Variants in SSX5 observed in about 807,000 individuals in gnomAD.
The protein encoded by SSX5 is SSX family member 5, also known as protein SSX5.
A neutral mutation model predicts 14.9 loss-of-function variants in SSX5; 14 were observed. The ratio of observed to expected loss-of-function variants is 0.94; its 90% CI spans 0.62 to 1.47. SSX5 has a LOEUF of 1.47. Ranked by LOEUF, SSX5 falls within the 40% of genes most tolerant of loss-of-function variation. The pLI, the probability that SSX5 is intolerant of heterozygous loss-of-function variation, is 0.00. For missense variants in SSX5, 204 were observed against 154.6 expected, an observed-to-expected ratio of 1.32 and a Z score of -1.70; for synonymous variants, 70 against 55.4, an observed-to-expected ratio of 1.26 and a Z score of -1.17.
At chrX:48,187,769 G>T (rs1556924092) in intron 6 of SSX5, 38 bp from the exon 7 acceptor site, 2 of 1,186,740 alleles carry the variant, frequency 1.7e-6, no homozygotes, top group African/African-American at 3.5e-5. Context: ...GGGTTGGGTA[G>T]ATTGGAGAGG....
At chrX:48,188,302 G>A (rs1556924178) in intron 6 of SSX5, among the ~76,000 whole-genome samples, 1 of 112,292 alleles carries the variant, frequency 8.9e-6, no homozygotes, top group Admixed American at 9.5e-5. Flanking sequence ...TACATGAGAC[G>A]TTTTGATACA....
chrX:48,191,925 G>A (rs1323990150), intron 5 of SSX5, among the ~76,000 whole-genome samples: 1 of 112,214 alleles, frequency 8.9e-6, no homozygotes, highest in Admixed American at 9.5e-5. Context: ...CCTTTTATAT[G>A]GGTGACAACT....
At chrX:48,189,059 G>A (rs1340651692) in intron 6 of SSX5, among the ~76,000 whole-genome samples, 2 of 111,810 alleles carry the variant, frequency 1.8e-5, no homozygotes, top group African/African-American at 6.5e-5. Context: ...AACGTGTGAA[G>A]CTAGCAGAGG....
At position 48,195,353 on chromosome X, in the gene SSX5, G is replaced by A. The variant is rs111262473; in HGVS notation, c.6C>T (p.Asn2=). The A allele has an allele frequency of 3.1e-5, 38 of 1,209,690 alleles. No individual in the cohort carries two copies. The highest frequency in any genetic ancestry group is 3.9e-5 in the Non-Finnish European group (35 of 894,978). The part of the protein sequence containing the change: M[N]GDDAFVRRPR... ...GTCTCCGTACAAAGGCATCGTCTCC[G>A]TTCATGGCACCGGGAGCACTCTGTC... Residue 2 remains asparagine (N), a synonymous_variant, in exon 2 of 8, where the codon AAC becomes AAT. Transcript: ENST00000347757.
Position 48,192,716 on chromosome X carries a change from T to C in SSX5, c.281-435A>G, listed in dbSNP as rs140795223. 8.0e-5 allele frequency among the ~76,000 whole-genome samples: 9 copies of C among 112,177 alleles called. No homozygotes were observed. In the Admixed American group the frequency reaches 8.6e-4, roughly 11 times the overall value. ...ATGATTTAGTCCAGTGGCTCTGAAA[T>C]ATTTTCAGTACAAAGACAGTCCTTT... On this transcript the variant is annotated intron_variant, in intron 4 of 7. Coordinates refer to ENST00000347757, the MANE Select transcript of SSX5 (RefSeq NM_175723.2).
chrX:48,186,658 C>T lies in SSX5; in HGVS notation c.*203G>A. The T allele has an allele frequency of 1.3e-6, 1 of 754,541 alleles. No individual in the cohort carries two copies. Among genetic ancestry groups the T allele is most frequent in the South Asian group, 2.4e-5 (1 of 41,325 alleles). The allele number at this position is 754,541 out of a possible 1,213,427, so 62.2% of individuals were successfully genotyped here. A position where few individuals can be genotyped will look rare whatever the true frequency, so the allele number is the denominator to read the frequency against. ...AACGCTAATATCTAACAGAATGGCA[C>T]ACTGTAACAAAATACAACAGAAACA... On this transcript the variant is annotated 3_prime_UTR_variant, in exon 8 of 8. Transcript: ENST00000347757.
intron 5 of SSX5, 82 bp from the exon 6 acceptor site, chrX:48,190,350 C>A: frequency 9.4e-7 from 1 of 1,060,862 alleles, no homozygotes; most frequent in Non-Finnish European, 1.2e-6. Context: ...TCTTCACATG[C>A]ATTACCTTAA....
intron 7 of SSX5, among the ~76,000 whole-genome samples, chrX:48,187,376 C>T (rs782518885): frequency 1.8e-3 from 197 of 110,704 alleles, no homozygotes; most frequent in African/African-American, 6.1e-3. Context: ...AGGAGAATGG[C>T]GTGAACACGG....
At position 48,186,411 on chromosome X, in the gene SSX5, C is replaced by CGT. The variant is rs1569439757; in HGVS notation, c.*449_*450insAC. ...GTGTGTGTGTGTGTGTGTGCGCGCG[C>CGT]GCGCGCATGTGTGTCTGTGTGGCAT... On this transcript the variant is annotated 3_prime_UTR_variant, in exon 8 of 8. Coordinates refer to ENST00000347757, the MANE Select transcript of SSX5 (RefSeq NM_175723.2). 2.4e-4 allele frequency: 63 copies of CGT among 264,587 alleles called. 2 individuals are homozygous for CGT. Among genetic ancestry groups the CGT allele is most frequent in the Middle Eastern group, 2.5e-3 (2 of 788 alleles). The allele number at this position is 264,587 out of a possible 1,213,427, so 21.8% of individuals were successfully genotyped here.
chrX:48,192,917 A>C (rs1165390089), intron 4 of SSX5, among the ~76,000 whole-genome samples: 5 of 112,124 alleles, frequency 4.5e-5, no homozygotes, highest in African/African-American at 1.6e-4. Flanking sequence ...GCAAGTAAAC[A>C]CATATGTCCC....
At chrX:48,191,517 A>T (rs2059420033) in intron 5 of SSX5, among the ~76,000 whole-genome samples, 2 of 111,184 alleles carry the variant, frequency 1.8e-5, no homozygotes, top group Admixed American at 1.9e-4. Context: ...CAAGGAGCTC[A>T]CAGTAGGGAG....
chrX:48,195,174 A>T, intron 2 of SSX5, 116 bp downstream of exon 2: 1 of 1,210,143 alleles, frequency 8.3e-7, no homozygotes, highest in South Asian at 1.8e-5. Context: ...AAGGTTCCAG[A>T]TGTCCCCGGA....
In SSX5 at chrX:48,192,223, G is replaced by A; in HGVS notation, c.330+9C>T. 1 of 1,211,363 alleles carries A rather than the reference G, an allele frequency of 8.3e-7. No homozygotes were observed. Among genetic ancestry groups the A allele is most frequent in the Non-Finnish European group, 1.1e-6 (1 of 895,105 alleles). ...GTTCTCTGGTCCTTTAGATTTGAGA[G>A]ACACTCACCTTCGGGAAGATTCCCT... On this transcript the variant is annotated intron_variant, in intron 5 of 7. Transcript: ENST00000347757.
Position 48,186,856 on chromosome X carries a change from G to C in SSX5, c.*5C>G. 8.3e-7 allele frequency: 1 copy of C among 1,198,133 alleles called. No individual in the cohort carries two copies. On this transcript the variant is annotated splice_region_variant and 3_prime_UTR_variant, in exon 8 of 8. Coordinates refer to ENST00000347757, the MANE Select transcript of SSX5 (RefSeq NM_175723.2). ...CATGGGCATGTGTCATATCCCCGAG[G>C]CTGAGGCAAGAAGCGAGAAGGAAAG...
chrX:48,193,543 G>C (rs1556925193), intron 4 of SSX5, among the ~76,000 whole-genome samples: 1 of 110,843 alleles, frequency 9.0e-6, no homozygotes, highest in Non-Finnish European at 1.9e-5. Context: ...AGGTCAGGAA[G>C]TTTGAGACCA....
chrX:48,194,528 G>A (rs782034050), intron 3 of SSX5, among the ~76,000 whole-genome samples: 36 of 110,833 alleles, frequency 3.2e-4, no homozygotes, highest in African/African-American at 8.2e-4. Context: ...GGAGAGAAAC[G>A]TGCAGGATCC....
chrX:48,192,379 G>A (rs1238592373), intron 4 of SSX5, 98 bp from the exon 5 acceptor site: 8 of 1,102,098 alleles, frequency 7.3e-6, no homozygotes, highest in Non-Finnish European at 8.8e-6. Context: ...CAGAGGTTAT[G>A]AGTCCACTGA....
chrX:48,191,765 C>A (rs572014677), intron 5 of SSX5, among the ~76,000 whole-genome samples: 3 of 112,259 alleles, frequency 2.7e-5, no homozygotes, highest in African/African-American at 9.7e-5. Flanking sequence ...CAGGAAAATT[C>A]TTTAACATCT....
chrX:48,187,698 C>G lies in SSX5; in HGVS notation c.500G>C (p.Arg167Thr). The change falls in exon 7 of 8, where the codon AGA becomes ACA. Residue 167 changes from arginine to threonine, a missense_variant. By Grantham distance (71) the Arg-to-Thr change is moderately conservative (BLOSUM62 -1). Coordinates refer to ENST00000347757, the MANE Select transcript of SSX5 (RefSeq NM_175723.2). ...CACCAGTTGCTTTCTCTCACGCACT[C>G]TGTGGGTCCAGGCATGTTTCCCCCT... ...PKRGKHAWTHRVRERKQLVIY... is the reference protein window; with the variant it reads ...PKRGKHAWTHTVRERKQLVIY... 1 of 1,209,810 alleles carries G rather than the reference C, an allele frequency of 8.3e-7. No homozygotes were observed. The highest frequency in any genetic ancestry group is 1.1e-6 in the Non-Finnish European group (1 of 895,172).
Sources: allele counts gnomAD v4.1 joint callset (sites outside exome capture counted in the v4.1 genomes callset), GRCh38; gene constraint gnomAD v4.1.1; transcripts MANE v1.5; gene names NCBI Gene and HGNC (gene_info 2026-07-23, HGNC 2026-07-21).